INPP4A: variants seen among roughly 807,000 people sequenced by gnomAD.
INPP4A encodes inositol polyphosphate-4-phosphatase, type I, 107kD.
Under a neutral mutation model 119.8 loss-of-function variants are expected in INPP4A, and 33 were observed. The ratio of observed to expected loss-of-function variants is 0.28; its 90% CI spans 0.21 to 0.37. The LOEUF is 0.37. INPP4A is among the 10% of genes least tolerant of loss of function. INPP4A has a pLI of 1.00. For synonymous variants in INPP4A, 496 were observed against 500.7 expected, an observed-to-expected ratio of 0.99 and a Z score of 0.12; for missense variants, 956 against 1,289.9, an observed-to-expected ratio of 0.74 and a Z score of 3.97.
intron 24 of INPP4A, among the ~76,000 whole-genome samples, chr2:98,583,194 C>T (rs1036838791): frequency 6.6e-6 from 1 of 152,146 alleles, no homozygotes. Context: ...AAGTTATATA[C>T]TTTTATTTAT....
rs566760509 is a variant in INPP4A at position 98,521,165 on chromosome 2, C to T, written c.151+434C>T. On this transcript the variant is annotated intron_variant, in intron 4 of 24. Transcript: ENST00000409851. Reference sequence around the variant, plus strand: ...GTTTCGCTCTCTAGCCCTCAGTTCCCTATTGTATAAAAGGCAACATTGGCA... The same window carrying T: ...GTTTCGCTCTCTAGCCCTCAGTTCCTTATTGTATAAAAGGCAACATTGGCA... 8 of 162,892 alleles carry T rather than the reference C, an allele frequency of 4.9e-5. No homozygotes were observed. In the East Asian group the frequency reaches 1.5e-3, roughly 30 times the overall value. The allele number at this position is 162,892 out of a possible 1,614,324, so 10.1% of individuals were successfully genotyped here.
At chr2:98,519,310 A>G (rs1233553429) in intron 2 of INPP4A, 1 of 152,278 alleles carries the variant, frequency 6.6e-6, no homozygotes, top group Non-Finnish European at 1.5e-5. Context: ...GCTCTGAGCC[A>G]TGTGAAGCGT....
chr2:98,582,850 ACCTACTGCATAAGTCAAACAGAAAGATCG>A (rs1699517959), intron 24 of INPP4A, among the ~76,000 whole-genome samples: 1 of 152,118 alleles, frequency 6.6e-6, no homozygotes, highest in Non-Finnish European at 1.5e-5. Flanking sequence ...CAGAAAGATC[ACCTACTGCATAAGTCAAACAGAAAGATCG>A]CCTACTGCAT....
chr2:98,573,048 G>T, intron 23 of INPP4A, 121 bp downstream of exon 23: 1 of 714,034 alleles, frequency 1.4e-6, no homozygotes, highest in Non-Finnish European at 2.4e-6. Flanking sequence ...GGAGAGGAGG[G>T]AGTCACTGAG....
chr2:98,576,804 G>T (rs550874802), intron 23 of INPP4A, among the ~76,000 whole-genome samples, 185 bp from the exon 24 acceptor site: 1 of 152,340 alleles, frequency 6.6e-6, no homozygotes, highest in South Asian at 2.1e-4. Context: ...AAGTGACTTG[G>T]TTTCTATTGC....
intron 5 of INPP4A, among the ~76,000 whole-genome samples, chr2:98,535,453 C>A (rs1047640233): frequency 2.0e-5 from 3 of 152,132 alleles, no homozygotes; most frequent in Non-Finnish European, 2.9e-5. Flanking sequence ...AGTGTGAAAC[C>A]CATGAAATGA....
At chr2:98,529,773 G>A (rs904999165) in intron 4 of INPP4A, among the ~76,000 whole-genome samples, 2 of 152,042 alleles carry the variant, frequency 1.3e-5, no homozygotes, top group South Asian at 2.1e-4. Context: ...ATACAGAATT[G>A]TGTACTTTAA....
intron 1 of INPP4A, among the ~76,000 whole-genome samples, chr2:98,515,827 C>T (rs145004715): frequency 6.6e-6 from 1 of 152,316 alleles, no homozygotes; most frequent in Non-Finnish European, 1.5e-5. Flanking sequence ...CCCGTCCTGC[C>T]AGTGCCCTCT....
At chr2:98,555,893 C>G in intron 16 of INPP4A, 85 bp downstream of exon 16, 1 of 1,452,810 alleles carries the variant, frequency 6.9e-7, no homozygotes, top group Non-Finnish European at 9.2e-7. Context: ...ACTCCATGCC[C>G]TCCTCCCCCA....
chr2:98,489,756 AGAGGTAATTTGTTTCTGG>A (rs1680315461), intron 1 of INPP4A, among the ~76,000 whole-genome samples: 1 of 152,128 alleles, frequency 6.6e-6, no homozygotes, highest in Admixed American at 6.5e-5. Flanking sequence ...GTAACTATGG[AGAGGTAATTTGTTTCTGG>A]GAGGGAGACG....
At chr2:98,550,937 C>T (rs1693398824) in intron 13 of INPP4A, among the ~76,000 whole-genome samples, 1 of 151,898 alleles carries the variant, frequency 6.6e-6, no homozygotes. Context: ...ATATTGGGGG[C>T]CTGGGAAGAA....
chr2:98,493,032 C>G (rs780123428), intron 1 of INPP4A, among the ~76,000 whole-genome samples: 1 of 152,198 alleles, frequency 6.6e-6, no homozygotes, highest in Non-Finnish European at 1.5e-5. Context: ...AAAGACCCTC[C>G]ACCAGCTGCC....
chr2:98,527,874 G>A (rs542705847), intron 4 of INPP4A, among the ~76,000 whole-genome samples: 7 of 152,168 alleles, frequency 4.6e-5, no homozygotes, highest in Non-Finnish European at 1.0e-4. Context: ...TGAAGAAACA[G>A]CCACACAAAA....
At chr2:98,462,849 T>G (rs1003671148) in intron 1 of INPP4A, among the ~76,000 whole-genome samples, 6 of 152,104 alleles carry the variant, frequency 3.9e-5, no homozygotes, top group Non-Finnish European at 8.8e-5. Flanking sequence ...TTTTTATTTA[T>G]TTTTAATTTT....
At chr2:98,545,940 C>A in intron 11 of INPP4A, 29 bp from the exon 12 acceptor site, 1 of 1,490,928 alleles carries the variant, frequency 6.7e-7, no homozygotes, top group Non-Finnish European at 9.2e-7. Context: ...ATGCTGATGG[C>A]CTTTATCTTC....
intron 24 of INPP4A, among the ~76,000 whole-genome samples, chr2:98,584,350 C>G (rs1026085648): frequency 6.6e-6 from 1 of 152,230 alleles, no homozygotes; most frequent in African/African-American, 2.4e-5. Context: ...TGGTGACTTA[C>G]GTGCACTCCC....
At chr2:98,550,091 C>T (rs1360235182) in intron 13 of INPP4A, among the ~76,000 whole-genome samples, 2 of 152,046 alleles carry the variant, frequency 1.3e-5, no homozygotes, top group Non-Finnish European at 2.9e-5. Flanking sequence ...TGGTAAATCC[C>T]AACCCAGGTG....
chr2:98,445,747 G>A (rs1694075141), intron 1 of INPP4A, among the ~76,000 whole-genome samples: 1 of 152,146 alleles, frequency 6.6e-6, no homozygotes, highest in Non-Finnish European at 1.5e-5. Context: ...TGATGGTCTC[G>A]CTTCCCTTCC....
At chr2:98,483,155 T>A (rs1678818724) in intron 1 of INPP4A, among the ~76,000 whole-genome samples, 2 of 152,186 alleles carry the variant, frequency 1.3e-5, no homozygotes, top group Non-Finnish European at 2.9e-5. Context: ...GGAATAACAA[T>A]ACAGTGAATC....
Sources: gnomAD v4.1 joint callset for allele counts (sites outside exome capture counted in the v4.1 genomes callset) on GRCh38, gnomAD v4.1.1 for gene constraint, MANE v1.5 for transcripts, NCBI Gene and HGNC (gene_info 2026-07-23, HGNC 2026-07-21) for gene names.